VSIG4: variants seen among roughly 807,000 people sequenced by gnomAD.
The protein encoded by VSIG4 is V-set and immunoglobulin domain containing 4, also known as V-set and immunoglobulin domain-containing protein 4.
VSIG4 carries 34 observed loss-of-function variants against 23.4 expected under a neutral mutation model. The observed-to-expected ratio is 1.45, with a 90% CI of 1.10 to 1.93. The LOEUF is 1.93. Ranked by LOEUF, VSIG4 falls within the 30% of genes most tolerant of loss-of-function variation. The probability of loss-of-function intolerance (pLI) is 0.00; values close to 1 mark genes in which losing one functional copy is unlikely to be tolerated. For missense variants in VSIG4, 433 were observed against 310.8 expected, an observed-to-expected ratio of 1.39 and a Z score of -2.96; for synonymous variants, 169 against 120.3, an observed-to-expected ratio of 1.41 and a Z score of -2.65.
chrX:66,037,525 T>G (rs1447514549), intron 1 of VSIG4, among the ~76,000 whole-genome samples: 1 of 66,939 alleles, frequency 1.5e-5, no homozygotes, highest in Non-Finnish European at 2.5e-5. Flanking sequence ...TAATATAATA[T>G]AATATATTCA....
intron 1 of VSIG4, among the ~76,000 whole-genome samples, chrX:66,036,476 T>C (rs1355949481): frequency 1.9e-5 from 2 of 102,774 alleles, no homozygotes; most frequent in Non-Finnish European, 3.9e-5. Flanking sequence ...AACACTGATC[T>C]AAGCGCAAGG....
intron 6 of VSIG4, 152 bp from the exon 7 acceptor site, chrX:66,023,014 G>T: frequency 1.7e-6 from 1 of 585,481 alleles, no homozygotes; most frequent in East Asian, 3.5e-5. Context: ...GAGGTATTGG[G>T]GAGGTGAATT....
intron 1 of VSIG4, among the ~76,000 whole-genome samples, chrX:66,038,131 A>G (rs1264617566): frequency 1.8e-5 from 2 of 111,805 alleles, no homozygotes; most frequent in East Asian, 5.6e-4. Context: ...AAATGTGAAT[A>G]TTAGAAATTT....
rs141444829 is a variant in VSIG4 at position 66,033,841 on chromosome X, G to A, written c.56-11C>T. 2,812 of 1,170,519 alleles carry A rather than the reference G, an allele frequency of 2.4e-3. 13 individuals are homozygous for A. Among genetic ancestry groups the A allele is most frequent in the Middle Eastern group, 0.023 (76 of 3,335 alleles). On this transcript the variant is annotated splice_polypyrimidine_tract_variant and intron_variant, in intron 1 of 7. Coordinates refer to ENST00000374737, the MANE Select transcript of VSIG4 (RefSeq NM_007268.3). ...CCAGGATGGGACGGCCTGAAGAGGC[G>A]GAACAGAGGAAAGAAGCAAACGTAG...
chrX:66,036,693 A>T (rs1463753982), intron 1 of VSIG4, among the ~76,000 whole-genome samples: 1 of 60,683 alleles, frequency 1.6e-5, no homozygotes, highest in Non-Finnish European at 2.8e-5. Context: ...ACGATATATT[A>T]TTAATATATT....
At chrX:66,039,429 G>T (rs185204370) in intron 1 of VSIG4, among the ~76,000 whole-genome samples, 109 of 112,016 alleles carry the variant, frequency 9.7e-4, no homozygotes, top group African/African-American at 3.4e-3. Flanking sequence ...GTCTGGGGAG[G>T]TAGTGAACAG....
rs887568069 is a variant in VSIG4, at chrX:66,022,055, A to G, written c.*208T>C. On this transcript the variant is annotated 3_prime_UTR_variant, in exon 8 of 8. Coordinates refer to ENST00000374737, the MANE Select transcript of VSIG4 (RefSeq NM_007268.3). ...CAGAAGCCCCCGGCAGAGATACTAG[A>G]AGGGCCCAGAGCCAAATCCAGCAGC... 31 of 1,161,110 alleles carry G rather than the reference A, an allele frequency of 2.7e-5. No homozygotes were observed. The Admixed American group carries it at 7.8e-4, about 29-fold the overall frequency.
chrX:66,028,185 G>A (rs1334420090), intron 3 of VSIG4, 73 bp from the exon 4 acceptor site: 4 of 968,701 alleles, frequency 4.1e-6, no homozygotes, highest in Non-Finnish European at 4.4e-6. Context: ...TAGGGAAATA[G>A]GAAGTAAGTA....
chrX:66,028,245 T>C lies in VSIG4; in HGVS notation c.695-133A>G, dbSNP rs57335229. ...ACCTGCCTCAACACTTCTGTCATGA[T>C]GCTGGTAAGTCCTGTGTTGCTTGTT... On this transcript the variant is annotated intron_variant, in intron 3 of 7. Transcript: ENST00000374737. The C allele has an allele frequency of 6.1e-4, 315 of 519,538 alleles. 1 individual carries two copies. In the African/African-American group the frequency reaches 6.7e-3, roughly 11 times the overall value. 42.8% of individuals were successfully genotyped at this position (519,538 alleles called of 1,213,427 possible). A position where few individuals can be genotyped will look rare whatever the true frequency, so the allele number is the denominator to read the frequency against.
chrX:66,039,459 G>A (rs1162271559), intron 1 of VSIG4, among the ~76,000 whole-genome samples: 2 of 111,892 alleles, frequency 1.8e-5, no homozygotes, highest in African/African-American at 6.5e-5. Context: ...AATCACTACT[G>A]GATGTTTCTG....
At chrX:66,031,652 G>A (rs1399586678) in intron 3 of VSIG4, among the ~76,000 whole-genome samples, 2 of 111,232 alleles carry the variant, frequency 1.8e-5, no homozygotes, top group East Asian at 5.6e-4. Flanking sequence ...CCTTGTTGGG[G>A]TGTCTTTCTT....
chrX:66,037,772 T>A lies in VSIG4; in HGVS notation c.55+2172A>T, dbSNP rs1307835634. 2.9e-5 allele frequency among the ~76,000 whole-genome samples: 3 copies of A among 103,809 alleles called. No homozygotes were observed. In the East Asian group the frequency reaches 9.0e-4, roughly 31 times the overall value. The allele number at this position is 103,809 out of a possible 115,157, so 90.1% of individuals were successfully genotyped here. A position where few individuals can be genotyped will look rare whatever the true frequency, so the allele number is the denominator to read the frequency against. On this transcript the variant is annotated intron_variant, in intron 1 of 7. Coordinates refer to ENST00000374737, the MANE Select transcript of VSIG4 (RefSeq NM_007268.3). ...ATTACTGATACGTATATATACTTAT[T>A]GCTGATAAGTATATATACTTATTGC...
Position 66,021,888 on chromosome X carries a change from T to G in VSIG4, c.*375A>C, listed in dbSNP as rs980103866. The G allele has an allele frequency of 2.8e-6, 1 of 356,077 alleles. No homozygotes were observed. The highest frequency in any genetic ancestry group is 5.0e-6 in the Non-Finnish European group (1 of 199,194). The allele number at this position is 356,077 out of a possible 1,213,427, so 29.3% of individuals were successfully genotyped here. On this transcript the variant is annotated 3_prime_UTR_variant, in exon 8 of 8. Transcript: ENST00000374737. ...GAAGAAAGAGAAATGATCCTGGATA[T>G]AGCTGGTCCTCTGAGCTGGCAGAGC... is the stretch of plus-strand genomic sequence containing the variant.
intron 1 of VSIG4, among the ~76,000 whole-genome samples, chrX:66,037,441 A>AT (rs2085618466): frequency 3.9e-5 from 2 of 51,219 alleles, no homozygotes; most frequent in African/African-American, 1.7e-4. Context: ...AATATAATAT[A>AT]TAATATAATT....
In VSIG4 at chrX:66,021,861, C is replaced by A; in HGVS notation, c.*402G>T. 3.3e-6 allele frequency: 1 copy of A among 305,696 alleles called. No individual in the cohort carries two copies. The highest frequency in any genetic ancestry group is 4.9e-5 in the Admixed American group (1 of 20,568). The allele number at this position is 305,696 out of a possible 1,213,427, so 25.2% of individuals were successfully genotyped here. A position where few individuals can be genotyped will look rare whatever the true frequency, so the allele number is the denominator to read the frequency against. On this transcript the variant is annotated 3_prime_UTR_variant, in exon 8 of 8. Transcript: ENST00000374737. ...AATTTCAATTAAAAGCTGTCTGGCC[C>A]TGAAGAAAGAGAAATGATCCTGGAT... is the stretch of plus-strand genomic sequence containing the variant.
chrX:66,031,118 G>C (rs1397409740), intron 3 of VSIG4, among the ~76,000 whole-genome samples: 2 of 111,202 alleles, frequency 1.8e-5, no homozygotes, highest in Non-Finnish European at 3.8e-5. Flanking sequence ...GTCAGTAGGG[G>C]GCAATGGCGA....
chrX:66,035,769 C>A (rs1191477386), intron 1 of VSIG4, among the ~76,000 whole-genome samples: 1 of 112,440 alleles, frequency 8.9e-6, no homozygotes, highest in East Asian at 2.8e-4. Flanking sequence ...TCCCATTAAT[C>A]TTCCTCTGGA....
intron 5 of VSIG4, among the ~76,000 whole-genome samples, chrX:66,026,777 G>A (rs953868052): frequency 1.1e-4 from 12 of 111,575 alleles, no homozygotes; most frequent in Admixed American, 4.7e-4. Context: ...AGATTCCTTG[G>A]TATACCTTTT....
intron 2 of VSIG4, 94 bp from the exon 3 acceptor site, chrX:66,032,843 T>C (rs1327324338): frequency 1.1e-6 from 1 of 936,754 alleles, no homozygotes; most frequent in Admixed American, 3.6e-5. Flanking sequence ...AGGGCATGCA[T>C]ATATCTGCAA....
Sources: gnomAD v4.1 joint callset for allele counts (sites outside exome capture counted in the v4.1 genomes callset) on GRCh38, gnomAD v4.1.1 for gene constraint, MANE v1.5 for transcripts, NCBI Gene and HGNC (gene_info 2026-07-23, HGNC 2026-07-21) for gene names.